RIMBP2: variants seen among roughly 807,000 people sequenced by gnomAD.
RIMBP2 encodes the protein RIMS-binding protein 2.
RIMBP2 carries 48 observed loss-of-function variants against 118.6 expected under a neutral mutation model. The ratio of observed to expected loss-of-function variants is 0.40; its 90% CI spans 0.32 to 0.51. The LOEUF (loss-of-function observed/expected upper bound fraction) is 0.51. RIMBP2 is among the 20% of genes least tolerant of loss of function. The probability of loss-of-function intolerance (pLI) is 0.41; values close to 1 mark genes in which losing one functional copy is unlikely to be tolerated. For missense variants in RIMBP2, 1,551 were observed against 1,768.3 expected (o/e 0.88, Z 2.20); for synonymous variants, 762 against 742.9 (o/e 1.03, Z -0.42).
chr12:130,504,916 T>G (rs530581280), intron 4 of RIMBP2, among the ~76,000 whole-genome samples: 1 of 152,214 alleles, frequency 6.6e-6, no homozygotes, highest in African/African-American at 2.4e-5. Flanking sequence ...GGAGGGCAAG[T>G]TGGCCTCACT....
chr12:130,624,121 G>C (rs1317629911), intron 2 of RIMBP2, among the ~76,000 whole-genome samples: 2 of 152,220 alleles, frequency 1.3e-5, no homozygotes, highest in Non-Finnish European at 2.9e-5. Flanking sequence ...CAAGGCTGAG[G>C]TTGGGTGCCA....
At chr12:130,496,799 GCTGTCCTCT>G (rs1177504277) in intron 4 of RIMBP2, among the ~76,000 whole-genome samples, 3 of 152,168 alleles carry the variant, frequency 2.0e-5, no homozygotes, top group African/African-American at 7.2e-5. Flanking sequence ...CACTGGGACT[GCTGTCCTCT>G]CCCTGAGGAG....
intron 16 of RIMBP2, among the ~76,000 whole-genome samples, chr12:130,423,263 A>C (rs2076529556): frequency 6.6e-6 from 1 of 152,254 alleles, no homozygotes; most frequent in Middle Eastern, 3.4e-3. Flanking sequence ...GTGGGAAGGG[A>C]GTCCGGGGAT....
chr12:130,629,471 G>A (rs80036198), intron 1 of RIMBP2, among the ~76,000 whole-genome samples: 1 of 152,178 alleles, frequency 6.6e-6, no homozygotes, highest in Non-Finnish European at 1.5e-5. Context: ...TTTTGTGCAA[G>A]CAATCTGTGA....
chr12:130,546,134 C>T (rs1308048752), intron 2 of RIMBP2, among the ~76,000 whole-genome samples: 2 of 133,780 alleles, frequency 1.5e-5, no homozygotes, highest in African/African-American at 5.6e-5. Flanking sequence ...GAGTCTCACT[C>T]ACTCTGTTGC....
rs377323120 is a variant in RIMBP2 at position 130,507,034 on chromosome 12, C to T, written c.-126-264G>A. 4.1e-4 allele frequency among the ~76,000 whole-genome samples: 63 copies of T among 152,276 alleles called. No individual in the cohort carries two copies. In the South Asian group the frequency reaches 0.012, roughly 29 times the overall value. On this transcript the variant is annotated intron_variant, in intron 3 of 22. Coordinates refer to ENST00000690449, the MANE Select transcript of RIMBP2 (RefSeq NM_001393629.1). ...TTGGTTCAGGGTTGCAAATGTGTCA[C>T]AGGTCTGGCCAATCAGTGTAATCTC...
chr12:130,438,390 T>C lies in RIMBP2; in HGVS notation c.1631A>G (p.Tyr544Cys). 1.3e-6 allele frequency: 2 copies of C among 1,481,936 alleles called. No homozygotes were observed. Among genetic ancestry groups the C allele is most frequent in the South Asian group, 1.1e-5 (1 of 89,608 alleles). The allele number at this position is 1,481,936 out of a possible 1,614,324, so 91.8% of individuals were successfully genotyped here. The change falls in exon 12 of 23, where the codon TAC (tyrosine) becomes TGC (cysteine). Residue 544 changes from tyrosine (Y) to cysteine (C), a missense_variant. By Grantham distance (194) the Tyr-to-Cys change is radical. This residue lies in a region of RIMBP2 where 1,038 missense variants were observed against 1,125.1 expected (regional missense o/e 0.92). Transcript: ENST00000690449. The stretch of plus-strand genomic sequence containing the variant: ...CCTCTGCCCTTTGGCATACACGCCG[T>C]AGCCGGTAACGTTTGCGCCATTGGA... ...GLSNGANVTG[Y>C]GVYAKGQRVA...
chr12:130,415,849 A>C (rs909279041), intron 17 of RIMBP2, among the ~76,000 whole-genome samples: 16 of 152,236 alleles, frequency 1.1e-4, no homozygotes, highest in African/African-American at 3.9e-4. Context: ...GACAATTTCA[A>C]TAAAATTTCA....
chr12:130,517,649 T>C (rs1158469723), intron 3 of RIMBP2, among the ~76,000 whole-genome samples, 179 bp downstream of exon 3: 1 of 152,090 alleles, frequency 6.6e-6, no homozygotes, highest in African/African-American at 2.4e-5. Context: ...GGATGAGACA[T>C]CACTGGGTGC....
At chr12:130,644,809 A>G (rs561740963) in intron 1 of RIMBP2, among the ~76,000 whole-genome samples, 89 of 152,328 alleles carry the variant, frequency 5.8e-4, no homozygotes, top group African/African-American at 2.0e-3. Flanking sequence ...CGTGGCACAG[A>G]GTCACTGGGC....
Position 130,434,987 on chromosome 12 carries a change from C to T in RIMBP2, c.2107-107G>A. 8.3e-7 allele frequency: 1 copy of T among 1,201,734 alleles called. No homozygotes were observed. Among genetic ancestry groups the T allele is most frequent in the Non-Finnish European group, 1.2e-6 (1 of 869,346 alleles). The allele number at this position is 1,201,734 out of a possible 1,614,324, so 74.4% of individuals were successfully genotyped here. A position where few individuals can be genotyped will look rare whatever the true frequency, so the allele number is the denominator to read the frequency against. ...CAGCCCCTCAGAGCCTGGCCAGGCACCCCCCACACAGTGCTTTGGGCCCAG... is the reference window on the plus strand; with the variant it reads ...CAGCCCCTCAGAGCCTGGCCAGGCATCCCCCACACAGTGCTTTGGGCCCAG... On this transcript the variant is annotated intron_variant, in intron 13 of 22. Transcript: ENST00000690449. The surrounding 1 kb of genome is among the most constrained non-coding windows in gnomAD (Gnocchi z 5.7).
rs2140837452 is a variant in RIMBP2 at position 130,621,568 on chromosome 12, A to G, written c.-217+6754T>C. On this transcript the variant is annotated intron_variant, in intron 2 of 22. Transcript: ENST00000690449. The surrounding 1 kb of genome is among the most constrained non-coding windows in gnomAD (Gnocchi z 6.6). ...ATCTGAAATCTGAAGATCGCGACAC[A>G]CATAATATAATACCACGGGGCATAG... 6.6e-6 allele frequency among the ~76,000 whole-genome samples: 1 copy of G among 152,246 alleles called. No homozygotes were observed. The highest frequency in any genetic ancestry group is 2.4e-5 in the African/African-American group (1 of 41,548).
chr12:130,434,638 G>T lies in RIMBP2; in HGVS notation c.2253+96C>A. On this transcript the variant is annotated intron_variant, in intron 14 of 22. Coordinates refer to ENST00000690449, the MANE Select transcript of RIMBP2 (RefSeq NM_001393629.1). This position sits in a 1 kb window ranked among gnomAD's most constrained non-coding sequence, Gnocchi z 5.7. ...CTCCATCTCTCTCAGGGACCCAAGG[G>T]TAGCGGGGAAAGTGCCCATGTCTCT... is the stretch of plus-strand genomic sequence containing the variant. The T allele has an allele frequency of 7.5e-7, 1 of 1,338,546 alleles. No individual in the cohort carries two copies. The highest frequency in any genetic ancestry group is 1.0e-6 in the Non-Finnish European group (1 of 997,234). The allele number at this position is 1,338,546 out of a possible 1,614,324, so 82.9% of individuals were successfully genotyped here. A position where few individuals can be genotyped will look rare whatever the true frequency, so the allele number is the denominator to read the frequency against.
chr12:130,435,287 G>A (rs2077434630), intron 13 of RIMBP2, among the ~76,000 whole-genome samples: 1 of 152,052 alleles, frequency 6.6e-6, no homozygotes, highest in South Asian at 2.1e-4. Context: ...CAGGTGATCT[G>A]CCCACCTCGG....
intron 2 of RIMBP2, among the ~76,000 whole-genome samples, chr12:130,593,295 C>A (rs2059383655): frequency 6.6e-6 from 1 of 152,238 alleles, no homozygotes; most frequent in East Asian, 1.9e-4. Flanking sequence ...ACACTGCTCT[C>A]CCACCACTAA....
At chr12:130,696,278 A>C (rs1015709663) in intron 1 of RIMBP2, among the ~76,000 whole-genome samples, 2 of 152,232 alleles carry the variant, frequency 1.3e-5, no homozygotes, top group African/African-American at 4.8e-5. Context: ...AGACAGACCC[A>C]GCTCCTGAAA....
chr12:130,679,558 G>T (rs1000838297), intron 1 of RIMBP2, among the ~76,000 whole-genome samples: 1 of 152,222 alleles, frequency 6.6e-6, no homozygotes, highest in African/African-American at 2.4e-5. Context: ...AAGGTCCTGA[G>T]GTGTCCTGTC....
At chr12:130,505,221 C>G (rs2050186546) in intron 4 of RIMBP2, among the ~76,000 whole-genome samples, 1 of 152,124 alleles carries the variant, frequency 6.6e-6, no homozygotes, top group African/African-American at 2.4e-5. Flanking sequence ...GCAGGACCAG[C>G]TTGGTTCACA....
rs773586849 is a variant in RIMBP2, at chr12:130,406,228, A to G, written c.3709T>C (p.Cys1237Arg). ...AAAACTGTAATAATATCTCCTGTGC[A>G]AAATGTAAGTTCGGCCTGTGGAGAT... is the stretch of plus-strand genomic sequence containing the variant. ...NVDVEAELTFCTGDIITVFGE... is the reference protein window; with the variant it reads ...NVDVEAELTFRTGDIITVFGE... The change falls in exon 21 of 23, where the codon TGC becomes CGC. Residue 1237 changes from cysteine to arginine, a missense_variant. Physicochemically the swap from Cys to Arg is radical, Grantham distance 180 (BLOSUM62 -3). Around this residue, in one of 5 missense-constraint regions of RIMBP2, gnomAD observed 1,038 missense variants for 1,125.1 expected, o/e 0.92. Transcript: ENST00000690449. 34 of 1,604,060 alleles carry G rather than the reference A, an allele frequency of 2.1e-5. No homozygotes were observed. Among genetic ancestry groups the G allele is most frequent in the Non-Finnish European group, 2.8e-5 (33 of 1,173,004 alleles).
Sources: allele counts gnomAD v4.1 joint callset (sites outside exome capture counted in the v4.1 genomes callset), GRCh38; gene constraint gnomAD v4.1.1; regional missense constraint gnomAD v4.1.1; non-coding constraint Gnocchi (gnomAD v3.1); transcripts MANE v1.5; gene names NCBI Gene and HGNC (gene_info 2026-07-23, HGNC 2026-07-21).